Variants in B4GALNT3 observed in about 807,000 individuals in gnomAD.
B4GALNT3 encodes the protein beta-1,4-N-acetylgalactosaminyltransferase 3.
B4GALNT3 carries 86 observed loss-of-function variants against 120.2 expected under a neutral mutation model. The ratio of observed to expected loss-of-function variants is 0.72; its 90% CI spans 0.60 to 0.86. B4GALNT3 has a LOEUF of 0.86. Ranked by LOEUF, B4GALNT3 falls within the 40% of genes least tolerant of loss-of-function variation. B4GALNT3 has a pLI of 0.00. For missense variants in B4GALNT3, 1,167 were observed against 1,298.9 expected, an observed-to-expected ratio of 0.90 and a Z score of 1.56; for synonymous variants, 518 against 510.4, an observed-to-expected ratio of 1.01 and a Z score of -0.20.
intron 13 of B4GALNT3, chr12:552,993 C>A: frequency 1.5e-6 from 1 of 686,814 alleles, no homozygotes; most frequent in Non-Finnish European, 2.5e-6. Flanking sequence ...CAGTATTATT[C>A]CCTTTATGCA....
intron 1 of B4GALNT3, among the ~76,000 whole-genome samples, chr12:514,343 G>A (rs1592035176): frequency 6.6e-6 from 1 of 151,956 alleles, no homozygotes; most frequent in Non-Finnish European, 1.5e-5. Context: ...GACTACAGGT[G>A]CCCGCCACCA....
In B4GALNT3 at chr12:548,230, G is replaced by C; in HGVS notation, c.787-1G>C. 1 of 1,613,936 alleles carries C rather than the reference G, an allele frequency of 6.2e-7. No individual in the cohort carries two copies. ...CATCTACCCTCTCTCTCCTCTTCCAGTGGCGACGGAACGACCCTGGAGCCA... is the reference window on the plus strand; with the variant it reads ...CATCTACCCTCTCTCTCCTCTTCCACTGGCGACGGAACGACCCTGGAGCCA... On this transcript the variant is annotated splice_acceptor_variant, in intron 8 of 19. Transcript: ENST00000266383. LOFTEE classifies it high-confidence loss of function. The surrounding 1 kb of genome is among the most constrained non-coding windows in gnomAD (Gnocchi z 4.9).
At chr12:493,187 CAT>C (rs1946359267) in intron 1 of B4GALNT3, among the ~76,000 whole-genome samples, 1 of 152,154 alleles carries the variant, frequency 6.6e-6, no homozygotes, top group South Asian at 2.1e-4. Context: ...TTGCAAAAGA[CAT>C]ATTTGATAAA....
intron 14 of B4GALNT3, 39 bp downstream of exon 14, chr12:554,022 A>G (rs766691838): frequency 3.0e-5 from 43 of 1,442,788 alleles, no homozygotes; most frequent in Non-Finnish European, 3.8e-5. Flanking sequence ...GGACTGGGGC[A>G]CGTGGCAGCC....
At chr12:495,911 G>A (rs1946383636) in intron 1 of B4GALNT3, among the ~76,000 whole-genome samples, 1 of 152,100 alleles carries the variant, frequency 6.6e-6, no homozygotes, top group Admixed American at 6.5e-5. Context: ...CATTTGAAAA[G>A]TTTACATGTA....
At chr12:471,632 G>C (rs2120435616) in intron 1 of B4GALNT3, among the ~76,000 whole-genome samples, 1 of 151,804 alleles carries the variant, frequency 6.6e-6, no homozygotes, top group East Asian at 1.9e-4. Flanking sequence ...GCTTGAACCT[G>C]GGAGGCAGAG....
chr12:541,745 TC>T (rs1946917934), intron 3 of B4GALNT3, among the ~76,000 whole-genome samples: 1 of 151,546 alleles, frequency 6.6e-6, no homozygotes, highest in Non-Finnish European at 1.5e-5. Context: ...CATCTGATGA[TC>T]CCTTTGCTCA....
intron 1 of B4GALNT3, among the ~76,000 whole-genome samples, chr12:512,835 C>A (rs1301241109): frequency 6.6e-6 from 1 of 150,864 alleles, no homozygotes; most frequent in African/African-American, 2.4e-5. Context: ...CGCCTTCTGC[C>A]TTCCACCTTC....
intron 1 of B4GALNT3, among the ~76,000 whole-genome samples, chr12:469,601 T>G (rs1471130632): frequency 7.9e-5 from 12 of 152,034 alleles, no homozygotes; most frequent in Admixed American, 4.6e-4. Flanking sequence ...CATCTTTCCA[T>G]CCCAGGCAAA....
chr12:500,865 C>CTTGTTTTTTTTTTTT (rs1946433223), intron 1 of B4GALNT3, among the ~76,000 whole-genome samples: 1 of 61,830 alleles, frequency 1.6e-5, no homozygotes, highest in Non-Finnish European at 2.7e-5. Flanking sequence ...GGCTCCACTG[C>CTTGTTTTTTTTTTTT]TTTTTTTTTT....
At chr12:512,122 G>C (rs1473666481) in intron 1 of B4GALNT3, among the ~76,000 whole-genome samples, 8 of 34,372 alleles carry the variant, frequency 2.3e-4, no homozygotes, top group African/African-American at 4.2e-4. Flanking sequence ...TTCCACCTTC[G>C]AGCTTCCACC....
chr12:527,325 G>C (rs74730601), intron 1 of B4GALNT3, among the ~76,000 whole-genome samples: 3,074 of 152,352 alleles, frequency 0.02, 108 homozygotes, highest in African/African-American at 0.07. Context: ...CAAACACCTG[G>C]CATGGGCTCA....
At chr12:551,073 G>A (rs1382003646) in intron 11 of B4GALNT3, 42 bp downstream of exon 11, 2 of 1,491,046 alleles carry the variant, frequency 1.3e-6, no homozygotes, top group African/African-American at 2.8e-5. Flanking sequence ...GGCTGGCAGA[G>A]GGATTGCTGC....
intron 1 of B4GALNT3, among the ~76,000 whole-genome samples, chr12:534,057 G>A (rs900982547): frequency 2.0e-5 from 3 of 152,174 alleles, no homozygotes; most frequent in African/African-American, 4.8e-5. Context: ...GGCTAATTCC[G>A]TCTAAGCAGT....
intron 1 of B4GALNT3, among the ~76,000 whole-genome samples, chr12:534,186 C>T (rs535124576): frequency 1.8e-4 from 28 of 152,314 alleles, no homozygotes; most frequent in African/African-American, 6.5e-4. Context: ...GCTAAGTGAG[C>T]CTTGATCAGC....
Position 563,384 on chromosome 12 carries a change from C to G in B4GALNT3, c.*1933C>G, listed in dbSNP as rs1252733668. The G allele has an allele frequency of 6.6e-6, 1 of 152,500 alleles. No individual in the cohort carries two copies. Among genetic ancestry groups the G allele is most frequent in the Non-Finnish European group, 1.5e-5 (1 of 68,224 alleles). 9.4% of individuals were successfully genotyped at this position (152,500 alleles called of 1,614,324 possible). A position where few individuals can be genotyped will look rare whatever the true frequency, so the allele number is the denominator to read the frequency against. On this transcript the variant is annotated 3_prime_UTR_variant, in exon 20 of 20. Coordinates refer to ENST00000266383, the MANE Select transcript of B4GALNT3 (RefSeq NM_173593.4). ...CCTTGCGTTTGATGTTACCTCCACA[C>G]CATCTGCCTTAAGAGGAAGGGCCGG... is the stretch of plus-strand genomic sequence containing the variant.
intron 1 of B4GALNT3, among the ~76,000 whole-genome samples, chr12:532,521 C>CAG (rs1333018877): frequency 6.6e-6 from 1 of 152,156 alleles, no homozygotes; most frequent in Admixed American, 6.5e-5. Flanking sequence ...AGCCAGCCAG[C>CAG]AGAGTTAAGG....
At chr12:495,406 G>T (rs990166244) in intron 1 of B4GALNT3, among the ~76,000 whole-genome samples, 10 of 152,028 alleles carry the variant, frequency 6.6e-5, no homozygotes, top group Non-Finnish European at 1.5e-5. Context: ...GTAAACCTTA[G>T]TTCAGCTGAT....
chr12:502,364 C>T (rs868621971), intron 1 of B4GALNT3, among the ~76,000 whole-genome samples: 1 of 152,128 alleles, frequency 6.6e-6, no homozygotes, highest in Non-Finnish European at 1.5e-5. Flanking sequence ...CTGGCAGCTG[C>T]GCTCATTGCC....
Sources: gnomAD v4.1 joint callset for allele counts (sites outside exome capture counted in the v4.1 genomes callset) on GRCh38, gnomAD v4.1.1 for gene constraint, Gnocchi (gnomAD v3.1) non-coding constraint, MANE v1.5 for transcripts, NCBI Gene and HGNC (gene_info 2026-07-23, HGNC 2026-07-21) for gene names.